The following GRM5 variants were observed in gnomAD, a reference collection of about 807,000 sequenced individuals.
GRM5 encodes the protein metabotropic glutamate receptor 5.
A neutral mutation model predicts 83.1 loss-of-function variants in GRM5; 19 were observed. That is an observed-to-expected ratio of 0.23 (90% confidence interval 0.16 to 0.34). The LOEUF (loss-of-function observed/expected upper bound fraction) is 0.34. Among genes scored for constraint, GRM5 ranks in the 10% least tolerant of loss-of-function variants. The probability of loss-of-function intolerance (pLI) is 1.00; values close to 1 mark genes in which losing one functional copy is unlikely to be tolerated. For missense variants in GRM5, 1,160 were observed against 1,588.3 expected (o/e 0.73, Z 4.58); for synonymous variants, 675 against 633.6 (o/e 1.07, Z -0.98).
intron 3 of GRM5, among the ~76,000 whole-genome samples, chr11:88,821,821 C>T (rs1333717488): frequency 6.6e-6 from 1 of 152,148 alleles, no homozygotes; most frequent in Non-Finnish European, 1.5e-5. Flanking sequence ...ACACCCTTAA[C>T]TCATGAACAC....
chr11:88,965,848 C>T (rs556175502), intron 2 of GRM5, among the ~76,000 whole-genome samples: 4 of 152,178 alleles, frequency 2.6e-5, no homozygotes, highest in East Asian at 1.9e-4. Context: ...AACAAGGAGA[C>T]AAAAAGTGAG....
chr11:88,625,297 A>G (rs1040308325), intron 4 of GRM5, among the ~76,000 whole-genome samples: 12 of 152,118 alleles, frequency 7.9e-5, no homozygotes, highest in Non-Finnish European at 1.8e-4. Flanking sequence ...ACTTATTTCC[A>G]TAGCAAGAGT....
At chr11:88,646,679 G>C (rs1939462757) in intron 4 of GRM5, among the ~76,000 whole-genome samples, 1 of 151,894 alleles carries the variant, frequency 6.6e-6, no homozygotes, top group African/African-American at 2.4e-5. Flanking sequence ...TTGAAAAGGT[G>C]AAAGAAATGG....
At chr11:88,818,990 A>AT (rs1253941876) in intron 3 of GRM5, among the ~76,000 whole-genome samples, 1 of 152,136 alleles carries the variant, frequency 6.6e-6, no homozygotes, top group Non-Finnish European at 1.5e-5. Flanking sequence ...ATCAGAAAGG[A>AT]TTTTTTTCCT....
At chr11:88,617,885 G>C (rs1422504453) in intron 4 of GRM5, among the ~76,000 whole-genome samples, 2 of 152,188 alleles carry the variant, frequency 1.3e-5, no homozygotes, top group African/African-American at 4.8e-5. Flanking sequence ...GGAGAGGCTG[G>C]AACCTGGAGT....
At chr11:88,658,190 G>A (rs1269693929) in intron 3 of GRM5, among the ~76,000 whole-genome samples, 1 of 152,090 alleles carries the variant, frequency 6.6e-6, no homozygotes, top group African/African-American at 2.4e-5. Context: ...TAGGTCGTGC[G>A]CTTCTTATGA....
At chr11:88,683,848 G>A (rs1311861990) in intron 3 of GRM5, among the ~76,000 whole-genome samples, 1 of 152,140 alleles carries the variant, frequency 6.6e-6, no homozygotes, top group African/African-American at 2.4e-5. Flanking sequence ...AGAGAATTTA[G>A]CAGAAAAAAC....
chr11:89,064,176 A>C (rs1017157802), intron 1 of GRM5, among the ~76,000 whole-genome samples: 8 of 152,108 alleles, frequency 5.3e-5, no homozygotes, highest in African/African-American at 1.7e-4. Context: ...CTGACTACCT[A>C]ATCTTTAAAC....
intron 8 of GRM5, among the ~76,000 whole-genome samples, chr11:88,555,211 G>A (rs758286010): frequency 2.0e-5 from 3 of 152,106 alleles, no homozygotes; most frequent in Non-Finnish European, 2.9e-5. Flanking sequence ...TAAGTCCATT[G>A]TTCTCAAAGT....
intron 3 of GRM5, among the ~76,000 whole-genome samples, chr11:88,806,065 A>G (rs1943494712): frequency 6.6e-6 from 1 of 152,200 alleles, no homozygotes; most frequent in Non-Finnish European, 1.5e-5. Flanking sequence ...GTGGCATGGC[A>G]TTGAACAATT....
At chr11:88,755,333 G>T (rs1174946165) in intron 3 of GRM5, among the ~76,000 whole-genome samples, 1 of 152,060 alleles carries the variant, frequency 6.6e-6, no homozygotes, top group African/African-American at 2.4e-5. Flanking sequence ...GAACGACTTG[G>T]TCAATATTAA....
intron 2 of GRM5, among the ~76,000 whole-genome samples, chr11:88,861,459 A>G (rs368169608): frequency 3.3e-5 from 5 of 150,976 alleles, no homozygotes; most frequent in Non-Finnish European, 5.9e-5. Context: ...TTAAGTTTTT[A>G]TTGTTGTTGT....
intron 1 of GRM5, among the ~76,000 whole-genome samples, chr11:89,055,875 T>C (rs561350464): frequency 8.1e-4 from 124 of 152,200 alleles, no homozygotes; most frequent in Middle Eastern, 3.4e-3. Context: ...TTAGTTGTCA[T>C]ACAAACTGTA....
chr11:88,718,019 T>A (rs1941438795), intron 3 of GRM5, among the ~76,000 whole-genome samples: 1 of 151,862 alleles, frequency 6.6e-6, no homozygotes. Flanking sequence ...GCTTATAATT[T>A]TGACAGGCTC....
chr11:88,581,940 A>G (rs1404494474), intron 7 of GRM5, among the ~76,000 whole-genome samples: 1 of 152,090 alleles, frequency 6.6e-6, no homozygotes, highest in Non-Finnish European at 1.5e-5. Context: ...TTTCACATAC[A>G]TGAATTCCCT....
At chr11:88,978,464 C>A (rs1209051841) in intron 2 of GRM5, among the ~76,000 whole-genome samples, 1 of 93,974 alleles carries the variant, frequency 1.1e-5, no homozygotes, top group African/African-American at 4.0e-5. Context: ...TTAACAACAG[C>A]AGATGAGCTT....
At chr11:89,037,268 T>C (rs945931970) in intron 2 of GRM5, among the ~76,000 whole-genome samples, 12 of 152,100 alleles carry the variant, frequency 7.9e-5, no homozygotes, top group African/African-American at 2.7e-4. Flanking sequence ...GTGTACTACA[T>C]TGGGATATTA....
chr11:88,828,759 A>C (rs12286954), intron 3 of GRM5, among the ~76,000 whole-genome samples: 2 of 152,038 alleles, frequency 1.3e-5, no homozygotes, highest in Non-Finnish European at 2.9e-5. Context: ...ACTTCTGGAG[A>C]AAACTACAAA....
chr11:88,911,344 A>C (rs1945494796), intron 2 of GRM5, among the ~76,000 whole-genome samples: 1 of 152,102 alleles, frequency 6.6e-6, no homozygotes, highest in South Asian at 2.1e-4. Flanking sequence ...ATCATTTTCT[A>C]TTTATTCATC....
Sources: gnomAD v4.1 joint callset for allele counts (sites outside exome capture counted in the v4.1 genomes callset) on GRCh38, gnomAD v4.1.1 for gene constraint, MANE v1.5 for transcripts, NCBI Gene and HGNC (gene_info 2026-07-23, HGNC 2026-07-21) for gene names.